SPTBN4: variants seen among roughly 807,000 people sequenced by gnomAD.
SPTBN4 encodes the protein spectrin beta, non-erythrocytic 4.
SPTBN4 carries 96 observed loss-of-function variants against 277.8 expected under a neutral mutation model. That is an observed-to-expected ratio of 0.35 (90% CI 0.29 to 0.41). SPTBN4 has a LOEUF of 0.41. Ranked by LOEUF, SPTBN4 falls within the 10% of genes least tolerant of loss-of-function variation. The pLI, the probability that SPTBN4 is intolerant of heterozygous loss-of-function variation, is 1.00. For missense variants in SPTBN4, 3,006 were observed against 3,595.7 expected (o/e 0.84, Z 4.19); for synonymous variants, 1,481 against 1,580.3 (o/e 0.94, Z 1.49).
rs751664262 is a variant in SPTBN4, at chr19:40,502,123, G to A, written c.898-5G>A. 6.2e-7 allele frequency: 1 copy of A among 1,613,482 alleles called. No individual in the cohort carries two copies. Among genetic ancestry groups the A allele is most frequent in the Non-Finnish European group, 8.5e-7 (1 of 1,179,716 alleles). ...AGGCTGACCCCCCTTCCTCTGCTGT[G>A]TCAGGTCTTGGACCAGGTATTGGAG... On this transcript the variant is annotated splice_region_variant and splice_polypyrimidine_tract_variant and intron_variant, in intron 8 of 35. Transcript: ENST00000598249. The surrounding 1 kb of genome is among the most constrained non-coding windows in gnomAD (Gnocchi z 4.9).
intron 3 of SPTBN4, among the ~76,000 whole-genome samples, chr19:40,489,684 G>A (rs761387472): frequency 6.6e-6 from 1 of 152,208 alleles, no homozygotes; most frequent in Non-Finnish European, 1.5e-5. Flanking sequence ...CACTACGCCG[G>A]GGCGGCCATG....
intron 21 of SPTBN4, 104 bp from the exon 22 acceptor site, chr19:40,550,134 A>T: frequency 2.3e-6 from 2 of 862,236 alleles, no homozygotes; most frequent in Non-Finnish European, 1.8e-6. Context: ...CTGGGCTCTT[A>T]GGCAAGGAAG....
chr19:40,562,310 A>T (rs1448135647), intron 27 of SPTBN4, among the ~76,000 whole-genome samples: 1 of 152,148 alleles, frequency 6.6e-6, no homozygotes, highest in African/African-American at 2.4e-5. Context: ...CGGGTGGATC[A>T]CTTGAGGACA....
intron 13 of SPTBN4, among the ~76,000 whole-genome samples, chr19:40,510,393 A>G (rs1010328078): frequency 1.3e-5 from 2 of 151,792 alleles, no homozygotes; most frequent in Admixed American, 1.3e-4. Flanking sequence ...CAGCATCAAC[A>G]TCCCTGGCTC....
rs2080277798 is a variant in SPTBN4 at position 40,502,746 on chromosome 19, G to T, written c.1204-29G>T. On this transcript the variant is annotated intron_variant, in intron 10 of 35. Coordinates refer to ENST00000598249, the MANE Select transcript of SPTBN4 (RefSeq NM_020971.3). This position sits in a 1 kb window ranked among gnomAD's most constrained non-coding sequence, Gnocchi z 4.9. The stretch of plus-strand genomic sequence containing the variant: ...CATTAAACTGTGGGGAGCTGTCAGA[G>T]TCTGAGTGCCTCCTCCCATCTCCTG... The T allele has an allele frequency of 6.2e-7, 1 of 1,610,582 alleles. No individual in the cohort carries two copies. Among genetic ancestry groups the T allele is most frequent in the Non-Finnish European group, 8.5e-7 (1 of 1,178,230 alleles).
intron 6 of SPTBN4, 42 bp downstream of exon 6, chr19:40,495,019 C>T (rs1304721157): frequency 1.3e-6 from 2 of 1,580,524 alleles, no homozygotes; most frequent in South Asian, 1.1e-5. Flanking sequence ...CCCTTCAGCC[C>T]CCCATATCCC....
chr19:40,481,598 C>T (rs2080011652), intron 2 of SPTBN4, among the ~76,000 whole-genome samples: 1 of 151,774 alleles, frequency 6.6e-6, no homozygotes, highest in South Asian at 2.1e-4. Context: ...GTGTCAGCCT[C>T]TCAAGTAGCT....
intron 2 of SPTBN4, among the ~76,000 whole-genome samples, chr19:40,477,508 G>T (rs755337681): frequency 2.0e-4 from 31 of 152,136 alleles, no homozygotes; most frequent in Non-Finnish European, 4.4e-4. Flanking sequence ...ACCCAGAGGG[G>T]TCAGAGACAG....
chr19:40,575,881 C>A lies in SPTBN4; in HGVS notation c.*312C>A. The A allele has an allele frequency of 4.2e-6, 1 of 239,542 alleles. No individual in the cohort carries two copies. The highest frequency in any genetic ancestry group is 8.2e-6 in the Non-Finnish European group (1 of 121,394). The allele number at this position is 239,542 out of a possible 1,614,324, so 14.8% of individuals were successfully genotyped here. A position where few individuals can be genotyped will look rare whatever the true frequency, so the allele number is the denominator to read the frequency against. On this transcript the variant is annotated 3_prime_UTR_variant, in exon 36 of 36. Transcript: ENST00000598249. ...GGGCCAGTTGAGCCAAGCCCCCAGC[C>A]CCGATCTGCAGATCCTGCCCCAAGA... is the stretch of plus-strand genomic sequence containing the variant.
intron 4 of SPTBN4, among the ~76,000 whole-genome samples, chr19:40,492,361 C>G (rs1454497154): frequency 6.6e-6 from 1 of 151,996 alleles, no homozygotes; most frequent in African/African-American, 2.4e-5. Flanking sequence ...GTTATGGGTC[C>G]AGGACATTGG....
chr19:40,521,467 TA>T (rs1380117575), intron 16 of SPTBN4, among the ~76,000 whole-genome samples: 1 of 152,174 alleles, frequency 6.6e-6, no homozygotes, highest in Non-Finnish European at 1.5e-5. Flanking sequence ...TAGTGACATC[TA>T]GGGGTGATGG....
At chr19:40,545,869 A>G (rs979061648) in intron 20 of SPTBN4, among the ~76,000 whole-genome samples, 1 of 151,974 alleles carries the variant, frequency 6.6e-6, no homozygotes, top group Admixed American at 6.6e-5. Context: ...GTGAAACCCC[A>G]TCTCTACTAA....
chr19:40,556,131 C>T lies in SPTBN4; in HGVS notation c.5132C>T (p.Ala1711Val), dbSNP rs372386329. The stretch of plus-strand genomic sequence containing the variant: ...TCTCAGGTGGACCGCCTGTACGTGG[C>T]GCTCAAGGAGCTGGGTGAGGAGCGC... ...RQSQVDRLYVALKELGEERRV... is the reference protein window; with the variant it reads ...RQSQVDRLYVVLKELGEERRV... The change falls in exon 25 of 36, where the codon GCG becomes GTG. Residue 1711 changes from alanine to valine, a missense_variant. Transcript: ENST00000598249. The T allele has an allele frequency of 5.6e-5, 90 of 1,612,656 alleles. No individual in the cohort carries two copies. Among genetic ancestry groups the T allele is most frequent in the South Asian group, 7.7e-5 (7 of 91,014 alleles).
At position 40,502,611 on chromosome 19, in the gene SPTBN4, T is replaced by C; in HGVS notation, c.1203+104T>C. ...CACATTGTAGACATGATGGATTAGA[T>C]ATTCATTCTGACAGTTTTTCAGTAG... On this transcript the variant is annotated intron_variant, in intron 10 of 35. Transcript: ENST00000598249. The surrounding 1 kb of genome is among the most constrained non-coding windows in gnomAD (Gnocchi z 4.9). The C allele has an allele frequency of 7.0e-7, 1 of 1,434,956 alleles. No homozygotes were observed. The allele number at this position is 1,434,956 out of a possible 1,614,324, so 88.9% of individuals were successfully genotyped here.
intron 27 of SPTBN4, among the ~76,000 whole-genome samples, chr19:40,564,395 T>A (rs1479362594): frequency 1.3e-5 from 2 of 152,202 alleles, no homozygotes; most frequent in African/African-American, 4.8e-5. Context: ...CAAAATCTGG[T>A]GTGCATTTTA....
At chr19:40,498,064 C>T (rs1306044389) in intron 7 of SPTBN4, among the ~76,000 whole-genome samples, 3 of 151,784 alleles carry the variant, frequency 2.0e-5, no homozygotes, top group Non-Finnish European at 4.4e-5. Flanking sequence ...CCATTCCTAT[C>T]CCCACCCTAA....
rs1404405199 is a variant in SPTBN4, at chr19:40,503,834, A to G, written c.1367A>G (p.Asn456Ser). The G allele has an allele frequency of 1.3e-6, 2 of 1,581,058 alleles. No individual in the cohort carries two copies. The highest frequency in any genetic ancestry group is 1.7e-6 in the Non-Finnish European group (2 of 1,159,696). ...GTGTCTGGCTCACTGCCCCAGGACA[A>G]CTTTGGGTATGAGCTGCCCGCAGTG... ...NENQRLVSQD[N>S]FGYELPAVEA... Residue 456 changes from asparagine (N) to serine (S), a missense_variant, in exon 12 of 36, where the codon AAC (asparagine) becomes AGC (serine). By Grantham distance (46) the Asn-to-Ser change is conservative. Around this residue, in one of 5 missense-constraint regions of SPTBN4, gnomAD observed 1,759 missense variants for 2,061.5 expected, o/e 0.85. Transcript: ENST00000598249.
chr19:40,564,183 T>C (rs1414976043), intron 27 of SPTBN4, among the ~76,000 whole-genome samples: 2 of 151,842 alleles, frequency 1.3e-5, no homozygotes, highest in East Asian at 3.9e-4. Flanking sequence ...GTTGAAACCC[T>C]GTTTCTACTA....
chr19:40,523,781 C>T (rs940530704), intron 17 of SPTBN4, 142 bp downstream of exon 17: 19 of 818,858 alleles, frequency 2.3e-5, no homozygotes, highest in Non-Finnish European at 3.3e-5. Context: ...CTATTTAATT[C>T]CATGTTGTCT....
Sources: allele counts gnomAD v4.1 joint callset (sites outside exome capture counted in the v4.1 genomes callset), GRCh38; gene constraint gnomAD v4.1.1; regional missense constraint gnomAD v4.1.1; non-coding constraint Gnocchi (gnomAD v3.1); transcripts MANE v1.5; gene names NCBI Gene and HGNC (gene_info 2026-07-23, HGNC 2026-07-21).